TRIM29: variants seen among roughly 807,000 people sequenced by gnomAD.
TRIM29 encodes tripartite motif containing 29.
TRIM29 carries 52 observed loss-of-function variants against 57.3 expected under a neutral mutation model. The observed-to-expected ratio is 0.91, with a 90% CI of 0.73 to 1.14. The LOEUF is 1.14. Among genes scored for constraint, TRIM29 ranks in the 50% most tolerant of loss-of-function variants. TRIM29 has a pLI of 0.00. For missense variants in TRIM29, 753 were observed against 774.6 expected (o/e 0.97, Z 0.33); for synonymous variants, 319 against 316.9 (o/e 1.01, Z -0.07).
chr11:120,117,985 GTAGT>G, intron 7 of TRIM29: 1 of 552,616 alleles, frequency 1.8e-6, no homozygotes, highest in Non-Finnish European at 3.2e-6. Context: ...GTTGCAGCGT[GTAGT>G]TAGAGACTAG....
chr11:120,113,525 T>A, intron 8 of TRIM29: 2 of 422,952 alleles, frequency 4.7e-6, no homozygotes, highest in South Asian at 1.7e-5. Flanking sequence ...CATTTGCCCC[T>A]CACACACACA....
At position 120,131,402 on chromosome 11, in the gene TRIM29, C is replaced by T. The variant is rs555242871; in HGVS notation, c.805-2907G>A. Among the ~76,000 whole-genome samples the T allele has an allele frequency of 5.9e-5, 9 of 152,142 alleles. No homozygotes were observed. In the East Asian group the frequency reaches 1.2e-3, roughly 20 times the overall value. ...GAGGGCAATAGGGCTAGTTGAGCAC[C>T]GAGGGGTGGAGAGTAGAGCCAGAGG... On this transcript the variant is annotated intron_variant, in intron 1 of 8. Coordinates refer to ENST00000341846, the MANE Select transcript of TRIM29 (RefSeq NM_012101.4).
chr11:120,125,410 G>C, intron 4 of TRIM29: 2 of 466,164 alleles, frequency 4.3e-6, no homozygotes, highest in Non-Finnish European at 7.8e-6. Flanking sequence ...CTCTGAGTTT[G>C]ATGGACAACC....
At chr11:120,136,503 C>T (rs1287022927) in intron 1 of TRIM29, among the ~76,000 whole-genome samples, 2 of 152,208 alleles carry the variant, frequency 1.3e-5, no homozygotes, top group Admixed American at 1.3e-4. Context: ...CAAACTTCCC[C>T]AACGGTGTCC....
At chr11:120,129,867 T>C (rs1017666108) in intron 1 of TRIM29, among the ~76,000 whole-genome samples, 2 of 151,102 alleles carry the variant, frequency 1.3e-5, no homozygotes, top group Admixed American at 1.3e-4. Flanking sequence ...AGATTCAGAG[T>C]TGTTCTCAGT....
intron 4 of TRIM29, 180 bp from the exon 5 acceptor site, chr11:120,123,235 AG>A: frequency 1.4e-6 from 1 of 700,788 alleles, no homozygotes. Flanking sequence ...TCGGTTCCTG[AG>A]CTCTTGGTGG....
chr11:120,129,634 C>G (rs966209824), intron 1 of TRIM29, among the ~76,000 whole-genome samples: 1 of 151,854 alleles, frequency 6.6e-6, no homozygotes, highest in South Asian at 2.1e-4. Context: ...ATGCGGCACA[C>G]CTTCTGAACG....
At chr11:120,120,444 C>T in intron 6 of TRIM29, 129 bp downstream of exon 6, 4 of 823,966 alleles carry the variant, frequency 4.9e-6, no homozygotes, top group South Asian at 3.4e-5. Flanking sequence ...ACCCTCCACC[C>T]ATCCTAGCTT....
chr11:120,137,666 G>C lies in TRIM29; in HGVS notation c.366C>G (p.Ala122=), dbSNP rs1218147228. Residue 122 remains alanine (A), a synonymous_variant, in exon 1 of 9, where the codon GCC becomes GCG. Coordinates refer to ENST00000341846, the MANE Select transcript of TRIM29 (RefSeq NM_012101.4). The surrounding 1 kb of genome is among the most constrained non-coding windows in gnomAD (Gnocchi z 6.2). ...GAAKKPPVTF[A]EKGELRKSIF... is the part of the protein sequence containing the mutation. ...TGGACTTGCGCAGCTCGCCCTTTTC[G>C]GCAAAGGTAACGGGTGGCTTCTTGG... The C allele has an allele frequency of 1.2e-6, 2 of 1,613,484 alleles. No individual in the cohort carries two copies. Among genetic ancestry groups the C allele is most frequent in the East Asian group, 2.2e-5 (1 of 44,830 alleles).
Position 120,137,425 on chromosome 11 carries a change from G to C in TRIM29, c.607C>G (p.Leu203Val), listed in dbSNP as rs745832780. The change falls in exon 1 of 9, where the codon CTG becomes GTG. Residue 203 changes from leucine to valine, a missense_variant. Transcript: ENST00000341846. The surrounding 1 kb of genome is among the most constrained non-coding windows in gnomAD (Gnocchi z 6.2). ...SFCELHLKPH[L>V]EGAAFRDHQL... ...TGGTCTCGGAAGGCGGCGCCCTCCA[G>C]GTGGGGCTTGAGATGCAGCTCGCAG... 8.7e-6 allele frequency: 14 copies of C among 1,609,306 alleles called. No homozygotes were observed. In the South Asian group the frequency reaches 8.8e-5, roughly 10 times the overall value.
chr11:120,125,917 T>C, intron 3 of TRIM29, 28 bp from the exon 4 acceptor site: 1 of 1,604,528 alleles, frequency 6.2e-7, no homozygotes, highest in Non-Finnish European at 8.5e-7. Flanking sequence ...AACCATTAAC[T>C]GCCTGGGTCT....
intron 4 of TRIM29, 101 bp downstream of exon 4, chr11:120,125,590 G>C: frequency 1.5e-6 from 2 of 1,301,914 alleles, no homozygotes; most frequent in Non-Finnish European, 1.1e-6. Flanking sequence ...TGGGAACAAT[G>C]AGAAGAAGCT....
At chr11:120,129,749 C>T (rs1045975088) in intron 1 of TRIM29, among the ~76,000 whole-genome samples, 26 of 152,146 alleles carry the variant, frequency 1.7e-4, no homozygotes, top group African/African-American at 4.6e-4. Flanking sequence ...AAAAGGTGCC[C>T]GGAGGGTGGG....
In TRIM29 at chr11:120,118,306, C is replaced by T. The variant is rs76879753; in HGVS notation, c.1544G>A (p.Arg515Gln). The change falls in exon 7 of 9, where the codon CGG (arginine) becomes CAG (glutamine). Residue 515 changes from arginine (R) to glutamine (Q), a missense_variant. Transcript: ENST00000341846. Reference protein sequence around the residue: ...LYGTKGNYTSRVWEYSSSIQN... With the variant: ...LYGTKGNYTSQVWEYSSSIQN... ...AATGCTGGAGGAGTACTCCCAGACC[C>T]GGGAGGTGTAGTTACCTGGCAGGAC... is the stretch of plus-strand genomic sequence containing the variant. The T allele has an allele frequency of 7.2e-4, 1,167 of 1,613,202 alleles. 1 individual carries two copies. The highest frequency in any genetic ancestry group is 9.4e-4 in the Non-Finnish European group (1,105 of 1,179,588).
intron 1 of TRIM29, among the ~76,000 whole-genome samples, chr11:120,129,121 G>A (rs1027764628): frequency 1.8e-4 from 27 of 152,206 alleles, no homozygotes; most frequent in Admixed American, 5.2e-4. Flanking sequence ...GAGGAAGGCA[G>A]TGTAGAGTGG....
intron 4 of TRIM29, chr11:120,123,512 A>G (rs1863512991): frequency 4.4e-6 from 2 of 452,646 alleles, no homozygotes; most frequent in Non-Finnish European, 8.9e-6. Context: ...TTCCGGGTTC[A>G]GTCCCAGCCA....
chr11:120,115,179 C>T (rs1046967766), intron 8 of TRIM29, among the ~76,000 whole-genome samples, 159 bp downstream of exon 8: 5 of 152,240 alleles, frequency 3.3e-5, no homozygotes, highest in Admixed American at 2.6e-4. Flanking sequence ...CTACCCTCTG[C>T]TGTGTACAGG....
rs763217160 is a variant in TRIM29 at position 120,122,954 on chromosome 11, C to T, written c.1435G>A (p.Gly479Ser). 6.2e-7 allele frequency: 1 copy of T among 1,613,768 alleles called. No individual in the cohort carries two copies. Among genetic ancestry groups the T allele is most frequent in the African/African-American group, 1.3e-5 (1 of 74,904 alleles). Residue 479 changes from glycine (G) to serine (S), a missense_variant and splice_region_variant, in exon 5 of 9, where the codon GGT (glycine) becomes AGT (serine). By Grantham distance (56) the Gly-to-Ser change is moderately conservative. Coordinates refer to ENST00000341846, the MANE Select transcript of TRIM29 (RefSeq NM_012101.4). ...KRYSMYLTPK[G>S]GVRTSYQPSS... ...TCTGGGGTGAGGGGCTCCCTCTTAC[C>T]TTTGGGTGTCAGGTACATGGAGTAT...
At chr11:120,122,250 A>C (rs1306676827) in intron 5 of TRIM29, among the ~76,000 whole-genome samples, 1 of 133,896 alleles carries the variant, frequency 7.5e-6, no homozygotes, top group Non-Finnish European at 1.6e-5. Context: ...CTCCTCCCCC[A>C]GCCTCCCTCT....
Sources: gnomAD v4.1 joint callset for allele counts (sites outside exome capture counted in the v4.1 genomes callset) on GRCh38, gnomAD v4.1.1 for gene constraint, Gnocchi (gnomAD v3.1) non-coding constraint, MANE v1.5 for transcripts, NCBI Gene and HGNC (gene_info 2026-07-23, HGNC 2026-07-21) for gene names.